Variants in CDHR3 observed in about 807,000 individuals in gnomAD.
The protein encoded by CDHR3 is cadherin related family member 3, also known as cadherin-related family member 3.
A neutral mutation model predicts 86.6 loss-of-function variants in CDHR3; 79 were observed. The ratio of observed to expected loss-of-function variants is 0.91; its 90% CI spans 0.76 to 1.10. The LOEUF (loss-of-function observed/expected upper bound fraction) is 1.10. CDHR3 is among the 50% of genes least tolerant of loss of function. CDHR3 has a pLI of 0.00. For missense variants in CDHR3, 1,081 were observed against 1,077.6 expected (o/e 1.00, Z -0.04); for synonymous variants, 421 against 402.4 (o/e 1.05, Z -0.55).
chr7:105,988,431 T>C (rs1195559796), intron 4 of CDHR3, among the ~76,000 whole-genome samples: 1 of 152,206 alleles, frequency 6.6e-6, no homozygotes, highest in Non-Finnish European at 1.5e-5. Flanking sequence ...TTGGTTTGTG[T>C]CTGTCATCTT....
intron 15 of CDHR3, among the ~76,000 whole-genome samples, chr7:106,025,302 C>T (rs1563306138): frequency 6.6e-6 from 1 of 152,166 alleles, no homozygotes; most frequent in Non-Finnish European, 1.5e-5. Flanking sequence ...GTTAGATGGG[C>T]CTGAGCTCAA....
intron 4 of CDHR3, among the ~76,000 whole-genome samples, chr7:105,985,630 C>A (rs978198590): frequency 6.6e-6 from 1 of 151,912 alleles, no homozygotes; most frequent in Non-Finnish European, 1.5e-5. Flanking sequence ...AGGGAATAGT[C>A]TGTTTTTATT....
At position 105,967,987 on chromosome 7, in the gene CDHR3, A is replaced by G. The variant is rs554952755; in HGVS notation, c.46+4623A>G. Reference sequence around the variant, plus strand: ...AGAACCGATTTGACAATTTTGCCTTATGTTGCCATTGCTTTTGGTGTTTTA... The same window carrying G: ...AGAACCGATTTGACAATTTTGCCTTGTGTTGCCATTGCTTTTGGTGTTTTA... On this transcript the variant is annotated intron_variant, in intron 1 of 18. Coordinates refer to ENST00000317716, the MANE Select transcript of CDHR3 (RefSeq NM_152750.5). Among the ~76,000 whole-genome samples the G allele has an allele frequency of 4.6e-4, 70 of 152,236 alleles. 1 individual carries two copies. The highest frequency in any genetic ancestry group is 1.5e-3 in the African/African-American group (63 of 41,536).
intron 8 of CDHR3, among the ~76,000 whole-genome samples, chr7:106,009,633 G>A (rs893234561): frequency 6.6e-6 from 1 of 152,204 alleles, no homozygotes; most frequent in Non-Finnish European, 1.5e-5. Flanking sequence ...CCCGCAGGGA[G>A]GAGGGCGGCG....
rs746259039 is a variant in CDHR3, at chr7:106,001,455, G to C, written c.714-7G>C. On this transcript the variant is annotated splice_region_variant and splice_polypyrimidine_tract_variant and intron_variant, in intron 6 of 18. Coordinates refer to ENST00000317716, the MANE Select transcript of CDHR3 (RefSeq NM_152750.5). ...AATTAGCTGTGTCTGCTGTATCTCTGTTCCAGCCCGACACGAGTGTACACA... is the reference window on the plus strand; with the variant it reads ...AATTAGCTGTGTCTGCTGTATCTCTCTTCCAGCCCGACACGAGTGTACACA... 1.3e-5 allele frequency: 21 copies of C among 1,613,520 alleles called. No individual in the cohort carries two copies. The highest frequency in any genetic ancestry group is 1.7e-5 in the Admixed American group (1 of 59,994).
At chr7:106,017,748 G>A in intron 11 of CDHR3, 98 bp from the exon 12 acceptor site, 1 of 953,172 alleles carries the variant, frequency 1.0e-6, no homozygotes. Context: ...GAGGCCTCCA[G>A]AAGTCCTTCT....
Position 106,024,476 on chromosome 7 carries a change from G to C in CDHR3, c.2172G>C (p.Leu724=), listed in dbSNP as rs1185218652. The change falls in exon 15 of 19, where the codon CTG becomes CTC. Residue 724 remains leucine, a synonymous_variant. Transcript: ENST00000317716. ...FVITLGSILL[L]GLLVYLVVLL... ...TCACTTTGGGCTCCATATTGCTTCTGGGTCTCCTCGTGTACCTGGTCGTCC... is the reference window on the plus strand; with the variant it reads ...TCACTTTGGGCTCCATATTGCTTCTCGGTCTCCTCGTGTACCTGGTCGTCC... 1 of 1,614,006 alleles carries C rather than the reference G, an allele frequency of 6.2e-7. No individual in the cohort carries two copies. The highest frequency in any genetic ancestry group is 2.2e-5 in the East Asian group (1 of 44,878).
At chr7:106,000,805 A>G (rs973664574) in intron 6 of CDHR3, among the ~76,000 whole-genome samples, 2 of 150,268 alleles carry the variant, frequency 1.3e-5, no homozygotes, top group Non-Finnish European at 3.0e-5. Context: ...GGTCTTCTTC[A>G]GGGGACCTAT....
chr7:105,980,266 T>C (rs149662031), intron 2 of CDHR3, among the ~76,000 whole-genome samples: 186 of 152,354 alleles, frequency 1.2e-3, no homozygotes, highest in African/African-American at 3.7e-3. Flanking sequence ...GTATTCTTTT[T>C]TTAAATTTTT....
At chr7:106,008,570 C>G (rs1479428259) in intron 8 of CDHR3, among the ~76,000 whole-genome samples, 1 of 152,116 alleles carries the variant, frequency 6.6e-6, no homozygotes, top group Non-Finnish European at 1.5e-5. Flanking sequence ...CAGTCACAAT[C>G]TTAAGCATGT....
intron 6 of CDHR3, among the ~76,000 whole-genome samples, chr7:106,000,758 T>C (rs1833018041): frequency 6.6e-6 from 1 of 151,904 alleles, no homozygotes; most frequent in South Asian, 2.1e-4. Flanking sequence ...AGTTGGTGAT[T>C]TGGGGTTATC....
At chr7:106,017,331 C>T (rs996207327) in intron 11 of CDHR3, among the ~76,000 whole-genome samples, 6 of 152,078 alleles carry the variant, frequency 3.9e-5, no homozygotes, top group African/African-American at 1.2e-4. Flanking sequence ...CCGAGCTGGG[C>T]GGATCACTTG....
intron 1 of CDHR3, 86 bp downstream of exon 1, chr7:105,963,450 A>G: frequency 7.0e-7 from 1 of 1,434,646 alleles, no homozygotes; most frequent in South Asian, 1.2e-5. Context: ...CAGAAAGGAA[A>G]TTGCCCCTGG....
chr7:105,976,897 A>G (rs1421780457), intron 2 of CDHR3, among the ~76,000 whole-genome samples: 2 of 151,702 alleles, frequency 1.3e-5, no homozygotes, highest in African/African-American at 2.4e-5. Context: ...CTTAGCATTT[A>G]TGGTCTACAG....
chr7:106,032,829 G>C lies in CDHR3; in HGVS notation c.*132G>C. 1.1e-6 allele frequency: 1 copy of C among 889,188 alleles called. No homozygotes were observed. The highest frequency in any genetic ancestry group is 1.7e-6 in the Non-Finnish European group (1 of 598,686). 55.1% of individuals were successfully genotyped at this position (889,188 alleles called of 1,614,324 possible). A position where few individuals can be genotyped will look rare whatever the true frequency, so the allele number is the denominator to read the frequency against. Reference sequence around the variant, plus strand: ...TTCAGACATCCAGGGTCAAACATGGGATGTTTGACAAATTTTTAAACAAAT... The same window carrying C: ...TTCAGACATCCAGGGTCAAACATGGCATGTTTGACAAATTTTTAAACAAAT... On this transcript the variant is annotated 3_prime_UTR_variant, in exon 19 of 19. Transcript: ENST00000317716.
At chr7:106,028,937 T>TTTCG (rs368889353) in intron 17 of CDHR3, among the ~76,000 whole-genome samples, 1 of 100,788 alleles carries the variant, frequency 9.9e-6, no homozygotes, top group Non-Finnish European at 2.1e-5. Flanking sequence ...TCTTTCTTTC[T>TTTCG]TTCTTTCTTT....
intron 1 of CDHR3, among the ~76,000 whole-genome samples, chr7:105,969,279 G>GTCCCA (rs1450183816): frequency 6.7e-6 from 1 of 148,238 alleles, no homozygotes; most frequent in Non-Finnish European, 1.5e-5. Flanking sequence ...GGCGCCTGTA[G>GTCCCA]TCCCAGCTAC....
rs749214532 is a variant in CDHR3 at position 106,018,071 on chromosome 7, CTG to C, written c.1653+2_1653+3del. 5.0e-6 allele frequency: 8 copies of C among 1,612,696 alleles called. No homozygotes were observed. In the African/African-American group the frequency reaches 6.7e-5, roughly 13 times the overall value. On this transcript the variant is annotated splice_donor_variant and coding_sequence_variant, in exon 12 of 19. Transcript: ENST00000317716. LOFTEE classifies it high-confidence loss of function. ...AACAACGAAGACACAAGCTCTGTCA[CTG>C]TGAGTGGTGCTGCTTGGTATAGTGC...
chr7:105,982,468 CA>C (rs71155496), intron 3 of CDHR3, among the ~76,000 whole-genome samples: 179 of 111,928 alleles, frequency 1.6e-3, no homozygotes, highest in Non-Finnish European at 2.2e-3. Context: ...GACTCTGTCT[CA>C]AAAAAAAAAA....
Sources: gnomAD v4.1 joint callset for allele counts (sites outside exome capture counted in the v4.1 genomes callset) on GRCh38, gnomAD v4.1.1 for gene constraint, MANE v1.5 for transcripts, NCBI Gene and HGNC (gene_info 2026-07-23, HGNC 2026-07-21) for gene names.